UBL7: variants seen among roughly 807,000 people sequenced by gnomAD.
UBL7 encodes the protein ubiquitin like 7, also known as ubiquitin-like protein 7.
In UBL7, 21 loss-of-function variants were observed where a neutral mutation model predicts 41.7. The observed-to-expected ratio is 0.50, with a 90% confidence interval of 0.36 to 0.73. The LOEUF (loss-of-function observed/expected upper bound fraction) is 0.73. UBL7 is among the 30% of genes least tolerant of loss of function. The pLI, the probability that UBL7 is intolerant of heterozygous loss-of-function variation, is 0.00. For missense variants in UBL7, 403 were observed against 478.4 expected, an observed-to-expected ratio of 0.84 and a Z score of 1.47; for synonymous variants, 157 against 186.9, an observed-to-expected ratio of 0.84 and a Z score of 1.31.
chr15:74,455,637 T>C (rs2061287003), intron 3 of UBL7, among the ~76,000 whole-genome samples: 1 of 152,156 alleles, frequency 6.6e-6, no homozygotes, highest in South Asian at 2.1e-4. Flanking sequence ...AAATAAACTG[T>C]TAACTTAAAG....
At chr15:74,461,006 G>A in intron 1 of UBL7, 31 bp downstream of exon 1, 3 of 1,093,730 alleles carry the variant, frequency 2.7e-6, no homozygotes, top group Non-Finnish European at 3.4e-6. Context: ...GCTAGTAATG[G>A]GGCAGGAACA....
In UBL7 at chr15:74,458,726, C is replaced by T; in HGVS notation, c.142G>A (p.Ala48Thr). The part of the protein sequence containing the change: ...YSISFLKQLI[A>T]GKLQESVPDP... ...GGAACAGACTCCTGGAGTTTGCCAG[C>T]AATAAGCTGCTTCAGAAATGAAATA... The change falls in exon 2 of 11, where the codon GCT (alanine) becomes ACT (threonine). Residue 48 changes from alanine (A) to threonine (T), a missense_variant. Coordinates refer to ENST00000395081, the MANE Select transcript of UBL7 (RefSeq NM_032907.5). The T allele has an allele frequency of 1.9e-6, 3 of 1,614,076 alleles. No homozygotes were observed. Among genetic ancestry groups the T allele is most frequent in the Non-Finnish European group, 1.7e-6 (2 of 1,180,028 alleles).
chr15:74,447,704 CTCAATCAATCAA>C (rs372333367), intron 10 of UBL7, among the ~76,000 whole-genome samples: 168 of 152,124 alleles, frequency 1.1e-3, no homozygotes, highest in Non-Finnish European at 2.2e-3. Flanking sequence ...GACACCCTGT[CTCAATCAATCAA>C]TCAATCAATC....
chr15:74,459,967 C>A (rs1415879080), intron 1 of UBL7, among the ~76,000 whole-genome samples: 2 of 127,260 alleles, frequency 1.6e-5, no homozygotes, highest in African/African-American at 6.5e-5. Flanking sequence ...AAAAGCCAGA[C>A]GCGGTGGCTC....
At position 74,458,796 on chromosome 15, in the gene UBL7, C is replaced by G. The variant is rs780556106; in HGVS notation, c.72G>C (p.Arg24=). The G allele has an allele frequency of 6.2e-7, 1 of 1,613,840 alleles. No homozygotes were observed. The highest frequency in any genetic ancestry group is 2.2e-5 in the East Asian group (1 of 44,888). Residue 24 remains arginine, a synonymous_variant, in exon 2 of 11, where the codon CGG becomes CGC. Coordinates refer to ENST00000395081, the MANE Select transcript of UBL7 (RefSeq NM_032907.5). ...ATTCTCCCAGTTCTGTCTCTGGCAACCGAAGAATAGACTTTGGAGTAAGTG... is the reference window on the plus strand; with the variant it reads ...ATTCTCCCAGTTCTGTCTCTGGCAAGCGAAGAATAGACTTTGGAGTAAGTG... ...DQPLTPKSIL[R]LPETELGEYS... is the part of the protein sequence containing the mutation.
chr15:74,451,650 C>A, intron 4 of UBL7, 130 bp from the exon 5 acceptor site: 1 of 600,856 alleles, frequency 1.7e-6, no homozygotes, highest in Non-Finnish European at 2.9e-6. Flanking sequence ...ACAATAGCCC[C>A]AGAAACAGAT....
At chr15:74,461,185 T>C, upstream of UBL7, 3 of 988,376 alleles carry the variant, frequency 3.0e-6, no homozygotes, top group Non-Finnish European at 3.6e-6. Flanking sequence ...AAACCGGAAA[T>C]TCCGCGCTGC....
intron 3 of UBL7, among the ~76,000 whole-genome samples, chr15:74,455,544 A>G (rs1330527307): frequency 1.3e-5 from 2 of 152,250 alleles, no homozygotes; most frequent in African/African-American, 4.8e-5. Flanking sequence ...CAGCATTAGG[A>G]AAGTGCCAAA....
At chr15:74,459,897 C>A (rs1234387018) in intron 1 of UBL7, among the ~76,000 whole-genome samples, 1 of 135,098 alleles carries the variant, frequency 7.4e-6, no homozygotes, top group East Asian at 2.2e-4. Flanking sequence ...CACGTCACTG[C>A]ACTCCAGCCT....
chr15:74,449,991 A>G lies in UBL7; in HGVS notation c.609T>C (p.Pro203=), dbSNP rs78112942. The change falls in exon 7 of 11, where the codon CCT becomes CCC. Residue 203 remains proline (P), a synonymous_variant. Coordinates refer to ENST00000395081, the MANE Select transcript of UBL7 (RefSeq NM_032907.5). ...LHSVAGSAPM[P]GTDSSSRSMP... is the part of the protein sequence containing the mutation. The stretch of plus-strand genomic sequence containing the variant: ...TGCTCCGGGAAGAGGAGTCAGTCCC[A>G]GGCATTGGGGCACTGCCTGCTACGG... 1,424 of 1,613,574 alleles carry G rather than the reference A, an allele frequency of 8.8e-4. 10 individuals carry two copies. In the African/African-American group the frequency reaches 0.015, roughly 17 times the overall value.
intron 10 of UBL7, among the ~76,000 whole-genome samples, chr15:74,447,899 C>T (rs1404327813): frequency 6.6e-6 from 1 of 152,178 alleles, no homozygotes; most frequent in Non-Finnish European, 1.5e-5. Flanking sequence ...GTCACATATA[C>T]CTCCACACAT....
chr15:74,451,542 C>A (rs776211935), intron 4 of UBL7, 22 bp from the exon 5 acceptor site: 24 of 1,602,286 alleles, frequency 1.5e-5, no homozygotes, highest in Non-Finnish European at 2.1e-5. Context: ...ATGGCGGGGG[C>A]TGAGCACTCC....
At chr15:74,461,186 T>A, upstream of UBL7, 1 of 988,414 alleles carries the variant, frequency 1.0e-6, no homozygotes, top group Non-Finnish European at 1.2e-6. Flanking sequence ...AACCGGAAAT[T>A]CCGCGCTGCA....
At position 74,452,309 on chromosome 15, in the gene UBL7, G is replaced by C. The variant is rs2061256457; in HGVS notation, c.374C>G (p.Ser125Cys). 1 of 1,558,170 alleles carries C rather than the reference G, an allele frequency of 6.4e-7. No individual in the cohort carries two copies. Among genetic ancestry groups the C allele is most frequent in the African/African-American group, 1.4e-5 (1 of 73,768 alleles). The stretch of plus-strand genomic sequence containing the variant: ...GCACACACTCACCGCCTCCCTGTAA[G>C]AGGAGCTGCTGTGCAGGGCAGTGTG... Reference protein sequence around the residue: ...VLHTALHSSSSYREAVFKMLS... With the variant: ...VLHTALHSSSCYREAVFKMLS... The change falls in exon 4 of 11, where the codon TCT becomes TGT. Residue 125 changes from serine to cysteine, a missense_variant. Physicochemically the swap from Ser to Cys is moderately radical, Grantham distance 112 (BLOSUM62 -1). Coordinates refer to ENST00000395081, the MANE Select transcript of UBL7 (RefSeq NM_032907.5).
rs145291287 is a variant in UBL7 at position 74,448,581 on chromosome 15, G to A, written c.902C>T (p.Ser301Leu). The A allele has an allele frequency of 3.1e-6, 5 of 1,613,924 alleles. No individual in the cohort carries two copies. The highest frequency in any genetic ancestry group is 1.7e-5 in the Admixed American group (1 of 60,004). ...PGTQGHSSGT[S>L]PMSSGVQSGT... ...TGACTGGACACCAGAGGACATTGGT[G>A]AGGTCCCTGAGGAATGACCCTAGAG... The change falls in exon 10 of 11, where the codon TCA (serine) becomes TTA (leucine). Residue 301 changes from serine to leucine, a missense_variant. Physicochemically the swap from Ser to Leu is moderately radical, Grantham distance 145. Coordinates refer to ENST00000395081, the MANE Select transcript of UBL7 (RefSeq NM_032907.5).
chr15:74,456,750 A>G (rs1168975547), intron 2 of UBL7, 79 bp from the exon 3 acceptor site: 1 of 1,467,852 alleles, frequency 6.8e-7, no homozygotes, highest in African/African-American at 1.4e-5. Context: ...CCTTATTTTG[A>G]TTAGATAGCT....
At chr15:74,455,636 GTTAAC>G (rs1335505355) in intron 3 of UBL7, among the ~76,000 whole-genome samples, 1 of 152,150 alleles carries the variant, frequency 6.6e-6, no homozygotes, top group African/African-American at 2.4e-5. Flanking sequence ...AAAATAAACT[GTTAAC>G]TTAAAGGAGT....
rs769779540 is a variant in UBL7 at position 74,458,817 on chromosome 15, A to C, written c.51T>G (p.Leu17=). The C allele has an allele frequency of 2.5e-6, 4 of 1,613,452 alleles. No individual in the cohort carries two copies. Among genetic ancestry groups the C allele is most frequent in the Non-Finnish European group, 3.4e-6 (4 of 1,180,036 alleles). ...HLAVKLADQP[L]TPKSILRLPE... Reference sequence around the variant, plus strand: ...GCAACCGAAGAATAGACTTTGGAGTAAGTGGCTGGTCAGCCAGCTTCACCG... The same window carrying C: ...GCAACCGAAGAATAGACTTTGGAGTCAGTGGCTGGTCAGCCAGCTTCACCG... Residue 17 remains leucine (L), a synonymous_variant, in exon 2 of 11, where the codon CTT becomes CTG. Coordinates refer to ENST00000395081, the MANE Select transcript of UBL7 (RefSeq NM_032907.5).
Position 74,446,070 on chromosome 15 carries a change from G to T in UBL7, c.*20C>A. The T allele has an allele frequency of 6.2e-7, 1 of 1,612,530 alleles. No individual in the cohort carries two copies. The highest frequency in any genetic ancestry group is 8.5e-7 in the Non-Finnish European group (1 of 1,179,184). On this transcript the variant is annotated 3_prime_UTR_variant, in exon 11 of 11. Coordinates refer to ENST00000395081, the MANE Select transcript of UBL7 (RefSeq NM_032907.5). This position sits in a 1 kb window ranked among gnomAD's most constrained non-coding sequence, Gnocchi z 4.1. ...CAGTAGCCTCTGCAACTTGCTGGGGGTTCAGGGGAAGCAGGGAGTTCATGG... is the reference window on the plus strand; with the variant it reads ...CAGTAGCCTCTGCAACTTGCTGGGGTTTCAGGGGAAGCAGGGAGTTCATGG...
Sources: gnomAD v4.1 joint callset for allele counts (sites outside exome capture counted in the v4.1 genomes callset) on GRCh38, gnomAD v4.1.1 for gene constraint, Gnocchi (gnomAD v3.1) non-coding constraint, MANE v1.5 for transcripts, NCBI Gene and HGNC (gene_info 2026-07-23, HGNC 2026-07-21) for gene names.